The following KYNU variants were observed in gnomAD, a reference collection of about 807,000 sequenced individuals.
KYNU encodes kynureninase.
A neutral mutation model predicts 59.2 loss-of-function variants in KYNU; 54 were observed. The observed-to-expected ratio is 0.91, with a 90% CI of 0.73 to 1.14. The LOEUF (loss-of-function observed/expected upper bound fraction) is 1.14. Among genes scored for constraint, KYNU ranks in the 50% most tolerant of loss-of-function variants. The pLI is 0.00. For missense variants in KYNU, 567 were observed against 554.4 expected (o/e 1.02, Z -0.23); for synonymous variants, 177 against 192.0 (o/e 0.92, Z 0.65).
chr2:142,885,633 A>T (rs1037676212), intron 2 of KYNU, 97 bp downstream of exon 2: 9 of 1,093,822 alleles, frequency 8.2e-6, no homozygotes, highest in Non-Finnish European at 1.2e-5. Context: ...GTTGTATTAC[A>T]TAATAGAGCT....
At chr2:143,017,312 A>G (rs1430848616) in intron 10 of KYNU, among the ~76,000 whole-genome samples, 1 of 152,036 alleles carries the variant, frequency 6.6e-6, no homozygotes, top group Non-Finnish European at 1.5e-5. Context: ...TCTTTGAGAA[A>G]TATCCAAACT....
intron 10 of KYNU, among the ~76,000 whole-genome samples, chr2:143,027,770 A>AT (rs143499429): frequency 0.015 from 2,241 of 151,972 alleles, 52 homozygotes; most frequent in African/African-American, 0.051. Context: ...TGTAAATATA[A>AT]TTTTTTCATT....
rs1212892991 is a variant in KYNU at position 143,043,987 on chromosome 2, T to G, written c.*1815T>G. ...TCTCCTAATGCTCACCCTCCTCTTA[T>G]CCCCAACTACCCAAAAGGACCTGGT... On this transcript the variant is annotated 3_prime_UTR_variant, in exon 14 of 14. Coordinates refer to ENST00000264170, the MANE Select transcript of KYNU (RefSeq NM_003937.3). 4 of 151,766 alleles carry G rather than the reference T, an allele frequency of 2.6e-5. No individual in the cohort carries two copies. Among genetic ancestry groups the G allele is most frequent in the African/African-American group, 9.7e-5 (4 of 41,356 alleles). The allele number at this position is 151,766 out of a possible 1,614,324, so 9.4% of individuals were successfully genotyped here.
At chr2:142,949,724 C>G (rs1171867854) in intron 4 of KYNU, among the ~76,000 whole-genome samples, 1 of 152,216 alleles carries the variant, frequency 6.6e-6, no homozygotes, top group African/African-American at 2.4e-5. Flanking sequence ...GCCATGAAGA[C>G]CTCTGACATG....
chr2:142,905,421 A>G (rs946279931), intron 2 of KYNU, among the ~76,000 whole-genome samples: 2 of 152,116 alleles, frequency 1.3e-5, no homozygotes, highest in African/African-American at 2.4e-5. Context: ...TTTTTTCTCA[A>G]TCACCCGAGA....
chr2:143,004,952 A>G (rs1302188135), intron 10 of KYNU, among the ~76,000 whole-genome samples: 1 of 152,224 alleles, frequency 6.6e-6, no homozygotes, highest in African/African-American at 2.4e-5. Context: ...CCAATGCATC[A>G]CCAATCAAAT....
chr2:143,003,137 A>G (rs1573889188), intron 10 of KYNU, among the ~76,000 whole-genome samples: 1 of 152,338 alleles, frequency 6.6e-6, no homozygotes, highest in East Asian at 1.9e-4. Context: ...AAACATTAGT[A>G]CATTAAATAA....
At chr2:143,038,312 C>T (rs73961706) in intron 12 of KYNU, among the ~76,000 whole-genome samples, 3,257 of 152,138 alleles carry the variant, frequency 0.021, 126 homozygotes, top group African/African-American at 0.074. Flanking sequence ...CTTTTTATTC[C>T]AAACTTCACA....
At chr2:142,974,957 A>G (rs1573860019) in intron 8 of KYNU, among the ~76,000 whole-genome samples, 3 of 152,222 alleles carry the variant, frequency 2.0e-5, no homozygotes, top group African/African-American at 7.2e-5. Flanking sequence ...CTTTTTTAAA[A>G]TATTAGGGTA....
At chr2:142,944,963 G>A (rs1229788490) in intron 4 of KYNU, among the ~76,000 whole-genome samples, 4 of 152,196 alleles carry the variant, frequency 2.6e-5, no homozygotes, top group African/African-American at 9.7e-5. Flanking sequence ...AAAAAGCAAT[G>A]TGGATACCTT....
chr2:143,027,618 C>A (rs1465072189), intron 10 of KYNU, among the ~76,000 whole-genome samples: 3 of 152,144 alleles, frequency 2.0e-5, no homozygotes, highest in South Asian at 4.1e-4. Flanking sequence ...AATATCACTT[C>A]TCTTCCCCAT....
intron 12 of KYNU, among the ~76,000 whole-genome samples, chr2:143,040,013 C>T (rs943831460): frequency 6.6e-6 from 1 of 152,032 alleles, no homozygotes; most frequent in Non-Finnish European, 1.5e-5. Context: ...AAAGCCTAGG[C>T]AAAACTCTTG....
chr2:143,050,237 A>C lies in KYNU; in HGVS notation c.*8065A>C, dbSNP rs1020582515. The stretch of plus-strand genomic sequence containing the variant: ...TGTGCAGAACCTGCAGGTTTGTTAC[A>C]TAGGTATACGTGTGCCATGGTGGTT... On this transcript the variant is annotated 3_prime_UTR_variant, in exon 14 of 14. Transcript: ENST00000264170. 2 of 152,036 alleles carry C rather than the reference A, an allele frequency of 1.3e-5. No individual in the cohort carries two copies. The highest frequency in any genetic ancestry group is 4.8e-5 in the African/African-American group (2 of 41,406). The allele number at this position is 152,036 out of a possible 1,614,324, so 9.4% of individuals were successfully genotyped here. A position where few individuals can be genotyped will look rare whatever the true frequency, so the allele number is the denominator to read the frequency against.
chr2:142,986,952 A>G (rs1017305098), intron 10 of KYNU, among the ~76,000 whole-genome samples: 1 of 151,830 alleles, frequency 6.6e-6, no homozygotes, highest in Non-Finnish European at 1.5e-5. Context: ...ATGATTTTCT[A>G]TAGTTTCTTT....
chr2:142,932,436 G>A (rs888207805), intron 4 of KYNU, among the ~76,000 whole-genome samples: 3 of 152,054 alleles, frequency 2.0e-5, no homozygotes, highest in Admixed American at 6.5e-5. Flanking sequence ...ATCTGTTAGC[G>A]CATTTCCAGC....
intron 3 of KYNU, among the ~76,000 whole-genome samples, chr2:142,920,963 G>A (rs1682860337): frequency 6.6e-6 from 1 of 152,130 alleles, no homozygotes; most frequent in Non-Finnish European, 1.5e-5. Context: ...CACTTCTGAT[G>A]TTTTCCAGCT....
chr2:142,991,530 A>T (rs1685398495), intron 10 of KYNU, among the ~76,000 whole-genome samples: 1 of 151,876 alleles, frequency 6.6e-6, no homozygotes, highest in Non-Finnish European at 1.5e-5. Flanking sequence ...GCCAGTGTTA[A>T]TATGGATGAC....
At chr2:143,031,425 C>T (rs545618023) in intron 11 of KYNU, among the ~76,000 whole-genome samples, 3 of 152,230 alleles carry the variant, frequency 2.0e-5, no homozygotes, top group African/African-American at 7.2e-5. Context: ...TTTCATAAAA[C>T]TGTATTTTAA....
rs1017837767 is a variant in KYNU at position 142,881,357 on chromosome 2, T to C, written c.-20+3621T>C. ...TATCTTTGTCTAGGAATATAAAGAA[T>C]GGCTTATCAGTGGAGACCATCGACA... On this transcript the variant is annotated intron_variant, in intron 1 of 13. Coordinates refer to ENST00000264170, the MANE Select transcript of KYNU (RefSeq NM_003937.3). 2.6e-5 allele frequency: 4 copies of C among 152,166 alleles called. No homozygotes were observed. In the East Asian group the frequency reaches 5.8e-4, roughly 22 times the overall value. The allele number at this position is 152,166 out of a possible 1,614,324, so 9.4% of individuals were successfully genotyped here.
Sources: allele counts gnomAD v4.1 joint callset (sites outside exome capture counted in the v4.1 genomes callset), GRCh38; gene constraint gnomAD v4.1.1; transcripts MANE v1.5; gene names NCBI Gene and HGNC (gene_info 2026-07-23, HGNC 2026-07-21).